The following CREB5 variants were observed in gnomAD, a reference collection of about 807,000 sequenced individuals.
CREB5 encodes cAMP responsive element binding protein 5.
CREB5 carries 19 observed loss-of-function variants against 57.1 expected under a neutral mutation model. That is an observed-to-expected ratio of 0.33 (90% CI 0.23 to 0.49). The LOEUF (loss-of-function observed/expected upper bound fraction) is 0.49. Ranked by LOEUF, CREB5 falls within the 20% of genes least tolerant of loss-of-function variation. The pLI is 0.99. For missense variants in CREB5, 579 were observed against 671.6 expected (o/e 0.86, Z 1.52); for synonymous variants, 238 against 238.3 (o/e 1.00, Z 0.01).
chr7:28,352,401 A>G (rs1449946753), intron 1 of CREB5, among the ~76,000 whole-genome samples: 1 of 152,176 alleles, frequency 6.6e-6, no homozygotes, highest in East Asian at 1.9e-4. Context: ...TGTATTACCT[A>G]AGATATTTTT....
chr7:28,603,177 G>A (rs1000829038), intron 5 of CREB5, among the ~76,000 whole-genome samples: 1 of 152,078 alleles, frequency 6.6e-6, no homozygotes, highest in Non-Finnish European at 1.5e-5. Context: ...GGCCTAATTG[G>A]CTGACTGCTC....
At chr7:28,740,862 T>C (rs1414257219) in intron 7 of CREB5, among the ~76,000 whole-genome samples, 4 of 152,220 alleles carry the variant, frequency 2.6e-5, no homozygotes, top group Non-Finnish European at 4.4e-5. Flanking sequence ...TATGTGACTT[T>C]AAAATTTTAA....
intron 7 of CREB5, among the ~76,000 whole-genome samples, chr7:28,775,682 T>C (rs912143043): frequency 1.3e-5 from 2 of 151,916 alleles, no homozygotes; most frequent in African/African-American, 4.8e-5. Context: ...ATGTTGATTT[T>C]CATTAGTTCA....
At chr7:28,503,176 T>C (rs1297502263) in intron 3 of CREB5, among the ~76,000 whole-genome samples, 5 of 152,186 alleles carry the variant, frequency 3.3e-5, no homozygotes, top group Non-Finnish European at 2.9e-5. Context: ...TTTGTAGCAA[T>C]CTGCTGGATC....
At chr7:28,653,711 G>A (rs1799227984) in intron 5 of CREB5, among the ~76,000 whole-genome samples, 1 of 152,366 alleles carries the variant, frequency 6.6e-6, no homozygotes, top group South Asian at 2.1e-4. Flanking sequence ...TGGTACGCTG[G>A]TAAACCAGCT....
chr7:28,429,073 T>TA (rs1361563253), intron 1 of CREB5, among the ~76,000 whole-genome samples: 1 of 152,190 alleles, frequency 6.6e-6, no homozygotes, highest in Non-Finnish European at 1.5e-5. Flanking sequence ...CCACCCAGGC[T>TA]AGGGTACAAT....
chr7:28,560,841 T>TGCGTGCGTGTGTGCGC (rs1562797105), intron 4 of CREB5, among the ~76,000 whole-genome samples: 1 of 75,062 alleles, frequency 1.3e-5, no homozygotes, highest in African/African-American at 4.9e-5. Flanking sequence ...CGCGTGTGTG[T>TGCGTGCGTGTGTGCGC]GTGCGCGTGT....
At chr7:28,735,541 A>T (rs1803924117) in intron 7 of CREB5, among the ~76,000 whole-genome samples, 1 of 152,174 alleles carries the variant, frequency 6.6e-6, no homozygotes, top group Non-Finnish European at 1.5e-5. Context: ...CTCCATTCTC[A>T]AGCAAGAAAG....
intron 7 of CREB5, among the ~76,000 whole-genome samples, chr7:28,744,227 C>T (rs1804563136): frequency 6.6e-6 from 1 of 151,032 alleles, no homozygotes; most frequent in Admixed American, 6.6e-5. Context: ...ATATGTGCCA[C>T]ATTTTCTTAA....
At chr7:28,700,256 G>C (rs183901145) in intron 5 of CREB5, among the ~76,000 whole-genome samples, 1 of 152,054 alleles carries the variant, frequency 6.6e-6, no homozygotes, top group African/African-American at 2.4e-5. Context: ...ATGCATGCAT[G>C]TTCCCACGAT....
At chr7:28,804,545 T>G (rs377375240) in intron 8 of CREB5, 23 bp downstream of exon 8, 2 of 1,608,782 alleles carry the variant, frequency 1.2e-6, no homozygotes, top group African/African-American at 2.7e-5. Flanking sequence ...CGTGATCTCT[T>G]TCCCCTTCTT....
chr7:28,803,018 CAGAAGATAAG>C (rs1359151157), intron 7 of CREB5, among the ~76,000 whole-genome samples: 2 of 152,202 alleles, frequency 1.3e-5, no homozygotes, highest in African/African-American at 4.8e-5. Context: ...AGTTGTGACA[CAGAAGATAAG>C]AGAAGAAAAT....
At chr7:28,532,849 C>T (rs1223667655) in intron 4 of CREB5, among the ~76,000 whole-genome samples, 2 of 152,196 alleles carry the variant, frequency 1.3e-5, no homozygotes, top group Non-Finnish European at 2.9e-5. Flanking sequence ...TAAGTGTTCT[C>T]ATCTGTCAAA....
At chr7:28,712,669 G>T (rs1038912641) in intron 5 of CREB5, among the ~76,000 whole-genome samples, 3 of 151,504 alleles carry the variant, frequency 2.0e-5, no homozygotes, top group Admixed American at 2.0e-4. Context: ...GAGTAGCTGG[G>T]ATTACAGGTG....
At chr7:28,485,089 G>A (rs747251129) in intron 1 of CREB5, among the ~76,000 whole-genome samples, 23 of 152,160 alleles carry the variant, frequency 1.5e-4, no homozygotes, top group Non-Finnish European at 2.8e-4. Context: ...TACTTTGGTA[G>A]GCCAGGGCTT....
chr7:28,453,352 T>C (rs1007437417), intron 1 of CREB5, among the ~76,000 whole-genome samples: 11 of 152,120 alleles, frequency 7.2e-5, no homozygotes, highest in African/African-American at 2.4e-4. Flanking sequence ...GGTAGGAGGA[T>C]TGCTTGGGCC....
intron 1 of CREB5, among the ~76,000 whole-genome samples, chr7:28,307,809 G>A (rs1785215210): frequency 6.6e-6 from 1 of 152,232 alleles, no homozygotes; most frequent in Non-Finnish European, 1.5e-5. Flanking sequence ...AGCTGGGTGA[G>A]GAGGAAGACA....
intron 1 of CREB5, among the ~76,000 whole-genome samples, chr7:28,433,222 T>C (rs1459945253): frequency 6.6e-6 from 1 of 152,212 alleles, no homozygotes. Flanking sequence ...GCTAAACTGC[T>C]TTCACAACAG....
At chr7:28,682,761 T>C (rs1457666897) in intron 5 of CREB5, among the ~76,000 whole-genome samples, 1 of 152,124 alleles carries the variant, frequency 6.6e-6, no homozygotes, top group Non-Finnish European at 1.5e-5. Context: ...TCATAACGTG[T>C]TTGAGCTCAG....
Sources: allele counts gnomAD v4.1 joint callset (sites outside exome capture counted in the v4.1 genomes callset), GRCh38; gene constraint gnomAD v4.1.1; transcripts MANE v1.5; gene names NCBI Gene and HGNC (gene_info 2026-07-23, HGNC 2026-07-21).